The following RAB11FIP3 variants were observed in gnomAD, a reference collection of about 807,000 sequenced individuals.
The protein encoded by RAB11FIP3 is RAB11 family interacting protein 3, also known as rab11 family-interacting protein 3.
RAB11FIP3 carries 17 observed loss-of-function variants against 77.8 expected under a neutral mutation model. That is an observed-to-expected ratio of 0.22 (90% CI 0.15 to 0.33). RAB11FIP3 has a LOEUF of 0.33. RAB11FIP3 is among the 10% of genes least tolerant of loss of function. The pLI is 1.00. For missense variants in RAB11FIP3, 1,005 were observed against 1,011.2 expected, an observed-to-expected ratio of 0.99 and a Z score of 0.08; for synonymous variants, 437 against 448.2, an observed-to-expected ratio of 0.98 and a Z score of 0.31.
intron 6 of RAB11FIP3, chr16:497,328 T>C (rs2031221657): frequency 1.5e-6 from 2 of 1,304,208 alleles, no homozygotes; most frequent in Non-Finnish European, 1.0e-6. Context: ...CTGTGAAAGA[T>C]GGCAACATAC....
chr16:471,345 C>G lies in RAB11FIP3; in HGVS notation c.859C>G (p.Pro287Ala). 6.2e-7 allele frequency: 1 copy of G among 1,613,948 alleles called. No homozygotes were observed. ...TGTCGCTTCTGCCCAAGATGAGGAGCCCCTGGCCTGCCCGGACGAGTTCGA... is the reference window on the plus strand; with the variant it reads ...TGTCGCTTCTGCCCAAGATGAGGAGGCCCTGGCCTGCCCGGACGAGTTCGA... ...GGVASAQDEE[P>A]LACPDEFDDF... Residue 287 changes from proline to alanine, a missense_variant, in exon 3 of 14, where the codon CCC becomes GCC. Pro to Ala is a conservative substitution (Grantham distance 27). Coordinates refer to ENST00000262305, the MANE Select transcript of RAB11FIP3 (RefSeq NM_014700.4). The surrounding 1 kb of genome is among the most constrained non-coding windows in gnomAD (Gnocchi z 4.4).
At chr16:515,561 C>T (rs2071977) in intron 9 of RAB11FIP3, among the ~76,000 whole-genome samples, 31,908 of 144,956 alleles carry the variant, frequency 0.22, 3,089 homozygotes, top group South Asian at 0.3. Flanking sequence ...AGCAGCCACA[C>T]GGGCGACACG....
intron 4 of RAB11FIP3, 49 bp downstream of exon 4, chr16:482,785 C>T: frequency 6.5e-7 from 1 of 1,529,342 alleles, no homozygotes; most frequent in Non-Finnish European, 8.8e-7. Context: ...GATGTGGCAC[C>T]CTGTGGAGGT....
intron 8 of RAB11FIP3, among the ~76,000 whole-genome samples, chr16:510,278 C>T (rs1171054056): frequency 4.6e-5 from 7 of 152,278 alleles, no homozygotes; most frequent in South Asian, 2.1e-4. Flanking sequence ...TCTGAGCGCA[C>T]GCGTTGTGTG....
At chr16:497,014 G>C in intron 6 of RAB11FIP3, 155 bp downstream of exon 6, 1 of 828,484 alleles carries the variant, frequency 1.2e-6, no homozygotes, top group Non-Finnish European at 1.8e-6. Flanking sequence ...TCCTGAAGGA[G>C]TGTTGGGAAA....
intron 3 of RAB11FIP3, among the ~76,000 whole-genome samples, chr16:481,279 G>A (rs1202576263): frequency 2.6e-5 from 4 of 151,942 alleles, no homozygotes; most frequent in Admixed American, 2.6e-4. Flanking sequence ...GGAAGGCTGA[G>A]GTGGGTGGAT....
At chr16:495,346 G>A (rs1302203202) in intron 5 of RAB11FIP3, among the ~76,000 whole-genome samples, 1 of 152,202 alleles carries the variant, frequency 6.6e-6, no homozygotes, top group African/African-American at 2.4e-5. Context: ...CGGCGTGGTG[G>A]GGACACCACC....
intron 7 of RAB11FIP3, among the ~76,000 whole-genome samples, chr16:504,209 A>T (rs1256587874): frequency 5.3e-5 from 1 of 19,016 alleles, no homozygotes; most frequent in Non-Finnish European, 8.5e-5. Context: ...GCACCCCCTC[A>T]CCTCCTGTAC....
At chr16:520,371 C>T in intron 12 of RAB11FIP3, 88 bp from the exon 13 acceptor site, 2 of 1,588,556 alleles carry the variant, frequency 1.3e-6, no homozygotes, top group South Asian at 2.3e-5. Context: ...AGCATCTGAG[C>T]TGGAGGCCTT....
chr16:483,475 C>T (rs1004641482), intron 4 of RAB11FIP3, among the ~76,000 whole-genome samples: 2 of 152,180 alleles, frequency 1.3e-5, no homozygotes, highest in African/African-American at 4.8e-5. Context: ...CAAAGGCGGA[C>T]TTTTTATAGC....
chr16:428,111 A>C (rs1221288746), intron 1 of RAB11FIP3, among the ~76,000 whole-genome samples: 1 of 151,658 alleles, frequency 6.6e-6, no homozygotes, highest in Non-Finnish European at 1.5e-5. Context: ...AAAAAAAAAA[A>C]ACAGCAACAA....
intron 6 of RAB11FIP3, chr16:497,231 G>GA: frequency 7.8e-7 from 1 of 1,289,954 alleles, no homozygotes; most frequent in Non-Finnish European, 1.0e-6. Flanking sequence ...TCCCCAAGGT[G>GA]AGTCGAAGGT....
At position 514,176 on chromosome 16, in the gene RAB11FIP3, T is replaced by C. The variant is rs1303735150; in HGVS notation, c.1640+3376T>C. 6.6e-6 allele frequency among the ~76,000 whole-genome samples: 1 copy of C among 152,040 alleles called. No homozygotes were observed. The highest frequency in any genetic ancestry group is 6.5e-5 in the Admixed American group (1 of 15,286). On this transcript the variant is annotated intron_variant, in intron 9 of 13. Transcript: ENST00000262305. This position sits in a 1 kb window ranked among gnomAD's most constrained non-coding sequence, Gnocchi z 4.6. ...ACCGTGTTCTGGGCCTCCTGCAGCTTCCTGGAGTGGCCACCAGGAACCTTG... is the reference window on the plus strand; with the variant it reads ...ACCGTGTTCTGGGCCTCCTGCAGCTCCCTGGAGTGGCCACCAGGAACCTTG...
chr16:496,870 C>A lies in RAB11FIP3; in HGVS notation c.1301+11C>A. On this transcript the variant is annotated intron_variant, in intron 6 of 13. Transcript: ENST00000262305. ...CAAGAAGGTGGCAAGGTAGGTGGGT[C>A]TCTGGTTCCTGCTGAAAAACGTTCT... 2 of 1,569,886 alleles carry A rather than the reference C, an allele frequency of 1.3e-6. No homozygotes were observed. The highest frequency in any genetic ancestry group is 1.1e-5 in the South Asian group (1 of 89,956).
intron 1 of RAB11FIP3, among the ~76,000 whole-genome samples, chr16:451,916 G>A (rs937950096): frequency 5.3e-5 from 8 of 152,090 alleles, no homozygotes; most frequent in Non-Finnish European, 1.0e-4. Flanking sequence ...TTGGGAGGCC[G>A]AGGCGGTGGA....
chr16:502,058 A>C (rs1243649609), intron 6 of RAB11FIP3, among the ~76,000 whole-genome samples: 1 of 152,272 alleles, frequency 6.6e-6, no homozygotes, highest in Non-Finnish European at 1.5e-5. Context: ...AGTTCTGAGC[A>C]TCAGGCTGTC....
chr16:509,326 C>T (rs2032023962), intron 8 of RAB11FIP3, among the ~76,000 whole-genome samples: 1 of 152,272 alleles, frequency 6.6e-6, no homozygotes. Flanking sequence ...AGGCCGCTGG[C>T]TCGGGGACCT....
intron 5 of RAB11FIP3, among the ~76,000 whole-genome samples, chr16:490,836 C>G (rs1303015631): frequency 2.0e-5 from 3 of 152,178 alleles, no homozygotes; most frequent in Non-Finnish European, 2.9e-5. Flanking sequence ...TTTTGCTTTG[C>G]AAGGAGGCTC....
At chr16:447,985 G>A (rs888248273) in intron 1 of RAB11FIP3, among the ~76,000 whole-genome samples, 5 of 127,624 alleles carry the variant, frequency 3.9e-5, no homozygotes, top group African/African-American at 1.3e-4. Context: ...AATTAAAAAA[G>A]GAAAAAGAAA....
Sources: gnomAD v4.1 joint callset for allele counts (sites outside exome capture counted in the v4.1 genomes callset) on GRCh38, gnomAD v4.1.1 for gene constraint, Gnocchi (gnomAD v3.1) non-coding constraint, MANE v1.5 for transcripts, NCBI Gene and HGNC (gene_info 2026-07-23, HGNC 2026-07-21) for gene names.